SOCS7: variants seen among roughly 807,000 people sequenced by gnomAD.
SOCS7 encodes the protein suppressor of cytokine signaling 7.
In SOCS7, 18 loss-of-function variants were observed where a neutral mutation model predicts 58.9. The ratio of observed to expected loss-of-function variants is 0.31; its 90% CI spans 0.21 to 0.45. The LOEUF (loss-of-function observed/expected upper bound fraction) is 0.45, where lower values mean the gene tolerates loss of function less well. Among genes scored for constraint, SOCS7 ranks in the 20% least tolerant of loss-of-function variants. The probability of loss-of-function intolerance (pLI) is 1.00; values close to 1 mark genes in which losing one functional copy is unlikely to be tolerated. For missense variants in SOCS7, 667 were observed against 837.3 expected (o/e 0.80, Z 2.51); for synonymous variants, 388 against 364.3 (o/e 1.06, Z -0.74).
intron 1 of SOCS7, among the ~76,000 whole-genome samples, chr17:38,360,590 A>G (rs1346906407): frequency 6.6e-6 from 1 of 151,838 alleles, no homozygotes; most frequent in Non-Finnish European, 1.5e-5. Context: ...CCCAGGCTGG[A>G]GTGCAGTAGT....
intron 7 of SOCS7, among the ~76,000 whole-genome samples, chr17:38,394,903 A>T (rs2038225424): frequency 6.6e-6 from 1 of 152,172 alleles, no homozygotes; most frequent in African/African-American, 2.4e-5. Flanking sequence ...TACAAAAATT[A>T]TCTGGGTACG....
intron 7 of SOCS7, among the ~76,000 whole-genome samples, chr17:38,387,578 AATATATTGT>A (rs2038093072): frequency 8.5e-6 from 1 of 117,924 alleles, no homozygotes; most frequent in Non-Finnish European, 1.6e-5. Flanking sequence ...ATATATACAC[AATATATTGT>A]ATATATTATA....
intron 7 of SOCS7, among the ~76,000 whole-genome samples, chr17:38,384,282 T>C (rs2038039400): frequency 6.6e-6 from 1 of 152,150 alleles, no homozygotes; most frequent in African/African-American, 2.4e-5. Flanking sequence ...TATTAGTGTT[T>C]AGTGTTTAAA....
chr17:38,369,829 C>T (rs796926652), intron 6 of SOCS7, among the ~76,000 whole-genome samples: 2 of 150,296 alleles, frequency 1.3e-5, no homozygotes, highest in African/African-American at 4.9e-5. Context: ...TTCGCTCTGT[C>T]ACCAGGCTGG....
At chr17:38,373,754 A>G (rs995302168) in intron 6 of SOCS7, among the ~76,000 whole-genome samples, 5 of 152,210 alleles carry the variant, frequency 3.3e-5, no homozygotes, top group Non-Finnish European at 7.3e-5. Context: ...GAAGGTGTCA[A>G]AGTGGTCTGC....
At chr17:38,353,416 G>A (rs139106433) in intron 1 of SOCS7, among the ~76,000 whole-genome samples, 1 of 152,186 alleles carries the variant, frequency 6.6e-6, no homozygotes, top group East Asian at 1.9e-4. Context: ...CACCTTGACC[G>A]CCTTGCTTAT....
At chr17:38,361,961 T>C (rs140087603) in intron 2 of SOCS7, among the ~76,000 whole-genome samples, 186 bp downstream of exon 2, 118 of 152,348 alleles carry the variant, frequency 7.7e-4, no homozygotes, top group South Asian at 2.1e-3. Flanking sequence ...TGACTTTGGA[T>C]GCTTTATAGT....
intron 7 of SOCS7, among the ~76,000 whole-genome samples, chr17:38,384,466 A>T (rs2144374742): frequency 6.6e-6 from 1 of 151,586 alleles, no homozygotes; most frequent in African/African-American, 2.4e-5. Context: ...CTAATTTTTC[A>T]ATTTTTTTGT....
chr17:38,365,442 G>A (rs765197104), intron 4 of SOCS7, 33 bp downstream of exon 4: 1 of 1,423,002 alleles, frequency 7.0e-7, no homozygotes, highest in Non-Finnish European at 9.8e-7. Context: ...ACTTGTAAGA[G>A]TTGGGAGTAC....
intron 7 of SOCS7, 80 bp from the exon 8 acceptor site, chr17:38,395,229 C>T (rs2038229800): frequency 4.0e-6 from 6 of 1,482,336 alleles, no homozygotes. Flanking sequence ...ATTTCCCCTC[C>T]CTAGGTTCTC....
At chr17:38,363,109 C>CA (rs755642509) in intron 2 of SOCS7, among the ~76,000 whole-genome samples, 3,077 of 138,844 alleles carry the variant, frequency 0.022, 56 homozygotes, top group African/African-American at 0.057. Context: ...GCCTCTGTCT[C>CA]AAAAAAAAAA....
chr17:38,399,114 G>T (rs1364534596), intron 9 of SOCS7, among the ~76,000 whole-genome samples: 3 of 149,784 alleles, frequency 2.0e-5, no homozygotes, highest in South Asian at 4.2e-4. Context: ...AAGAAAGAAA[G>T]AAATATAGAG....
At chr17:38,389,859 ATGTG>A (rs1165586168) in intron 7 of SOCS7, among the ~76,000 whole-genome samples, 9 of 98,298 alleles carry the variant, frequency 9.2e-5, no homozygotes, top group African/African-American at 4.0e-4. Flanking sequence ...TTTGGTGTGT[ATGTG>A]TGTACATATA....
At chr17:38,355,923 G>A (rs1418744212) in intron 1 of SOCS7, among the ~76,000 whole-genome samples, 1 of 152,158 alleles carries the variant, frequency 6.6e-6, no homozygotes, top group Admixed American at 6.5e-5. Flanking sequence ...TTGCTCTGTC[G>A]CCCAGGCTGG....
At chr17:38,365,228 C>G in intron 3 of SOCS7, 80 bp from the exon 4 acceptor site, 1 of 1,062,800 alleles carries the variant, frequency 9.4e-7, no homozygotes, top group Non-Finnish European at 1.4e-6. Context: ...GCCTGATAGT[C>G]CTTCTCCCTC....
intron 7 of SOCS7, among the ~76,000 whole-genome samples, chr17:38,379,534 A>G (rs41330649): frequency 0.022 from 3,358 of 152,240 alleles, 129 homozygotes; most frequent in African/African-American, 0.077. Context: ...ATGCTTTCCC[A>G]TTGAATCAAA....
intron 6 of SOCS7, among the ~76,000 whole-genome samples, chr17:38,377,321 G>A (rs2144359298): frequency 6.6e-6 from 1 of 152,256 alleles, no homozygotes; most frequent in Admixed American, 6.5e-5. Flanking sequence ...ACACTGACAT[G>A]ATGCTCAAAG....
chr17:38,367,446 T>G (rs1347777953), intron 5 of SOCS7, among the ~76,000 whole-genome samples: 4 of 152,082 alleles, frequency 2.6e-5, no homozygotes, highest in Admixed American at 2.0e-4. Flanking sequence ...CAATACCAGC[T>G]CACTGCAACC....
At chr17:38,399,006 T>C (rs1019775526) in intron 9 of SOCS7, among the ~76,000 whole-genome samples, 1 of 150,944 alleles carries the variant, frequency 6.6e-6, no homozygotes, top group African/African-American at 2.4e-5. Context: ...AGGAGAATCT[T>C]GAACCCAGGA....
Sources: gnomAD v4.1 joint callset for allele counts (sites outside exome capture counted in the v4.1 genomes callset) on GRCh38, gnomAD v4.1.1 for gene constraint, MANE v1.5 for transcripts, NCBI Gene and HGNC (gene_info 2026-07-23, HGNC 2026-07-21) for gene names.